MAPK4: variants seen among roughly 807,000 people sequenced by gnomAD.
MAPK4 encodes mitogen-activated protein kinase 4, also known as Erk3-related.
A neutral mutation model predicts 47.7 loss-of-function variants in MAPK4; 22 were observed. The ratio of observed to expected loss-of-function variants is 0.46; its 90% CI spans 0.33 to 0.66. The LOEUF (loss-of-function observed/expected upper bound fraction) is 0.66, where lower values mean the gene tolerates loss of function less well. MAPK4 is among the 30% of genes least tolerant of loss of function. MAPK4 has a pLI of 0.02. For synonymous variants in MAPK4, 390 were observed against 365.7 expected (o/e 1.07, Z -0.76); for missense variants, 736 against 831.7 (o/e 0.88, Z 1.42).
Position 50,642,537 on chromosome 18 carries a change from C to T in MAPK4, c.-870-20552C>T, listed in dbSNP as rs2042949921. Among the ~76,000 whole-genome samples the T allele has an allele frequency of 2.0e-5, 3 of 152,088 alleles. No individual in the cohort carries two copies. In the South Asian group the frequency reaches 6.2e-4, roughly 32 times the overall value. Reference sequence around the variant, plus strand: ...AATTGCCTAAACTCAAGTAATAAGGCCTATGAGGATGCTGTTTTCAGGAGC... The same window carrying T: ...AATTGCCTAAACTCAAGTAATAAGGTCTATGAGGATGCTGTTTTCAGGAGC... On this transcript the variant is annotated intron_variant, in intron 1 of 5. Coordinates refer to ENST00000400384, the MANE Select transcript of MAPK4 (RefSeq NM_002747.4).
At chr18:50,720,466 C>T (rs1191139856) in intron 3 of MAPK4, among the ~76,000 whole-genome samples, 1 of 152,114 alleles carries the variant, frequency 6.6e-6, no homozygotes, top group Non-Finnish European at 1.5e-5. Context: ...TGCTTTCCGC[C>T]CCAGGCCATG....
At chr18:50,676,209 C>G (rs558025937) in intron 2 of MAPK4, among the ~76,000 whole-genome samples, 2 of 152,158 alleles carry the variant, frequency 1.3e-5, no homozygotes, top group African/African-American at 2.4e-5. Flanking sequence ...AATATTGTAA[C>G]CTGATGAGAT....
chr18:50,670,599 A>T (rs1337417667), intron 2 of MAPK4, among the ~76,000 whole-genome samples: 1 of 151,978 alleles, frequency 6.6e-6, no homozygotes, highest in African/African-American at 2.4e-5. Context: ...TCTACTAAAA[A>T]TATAAAAATT....
Position 50,613,062 on chromosome 18 carries a change from T to A in MAPK4, c.-870-50027T>A, listed in dbSNP as rs114089525. On this transcript the variant is annotated intron_variant, in intron 1 of 5. Transcript: ENST00000400384. ...TCCTTACAGGACATTAGAAAACACA[T>A]TGTGGCAAACACATCCTAAGGTGAC... is the stretch of plus-strand genomic sequence containing the variant. Among the ~76,000 whole-genome samples the A allele has an allele frequency of 3.0e-3, 455 of 152,220 alleles. 2 individuals are homozygous for A. Among genetic ancestry groups the A allele is most frequent in the African/African-American group, 0.011 (440 of 41,536 alleles).
In MAPK4 at chr18:50,563,130, A is replaced by C. The variant is rs2042168456; in HGVS notation, c.-871+2887A>C. ...AAAGCCTCTCTGAAATCTTTTCTGT[A>C]AGTAAGCCCGTTATGAAAGATACAT... On this transcript the variant is annotated intron_variant, in intron 1 of 5. Transcript: ENST00000400384. Among the ~76,000 whole-genome samples, 7 of 152,204 alleles carry C rather than the reference A, an allele frequency of 4.6e-5. No individual in the cohort carries two copies. In the South Asian group the frequency reaches 1.2e-3, roughly 27 times the overall value.
intron 1 of MAPK4, among the ~76,000 whole-genome samples, chr18:50,633,453 A>T (rs111412694): frequency 2.6e-5 from 4 of 152,122 alleles, no homozygotes; most frequent in Non-Finnish European, 4.4e-5. Context: ...ATCCCAGTTG[A>T]TGTATAAACA....
intron 1 of MAPK4, among the ~76,000 whole-genome samples, chr18:50,575,817 T>C (rs1381919369): frequency 7.8e-6 from 1 of 127,516 alleles, no homozygotes; most frequent in Non-Finnish European, 1.7e-5. Flanking sequence ...AAAAAAACCA[T>C]TAAAAAGTTT....
At chr18:50,695,550 C>T (rs1028693225) in intron 2 of MAPK4, among the ~76,000 whole-genome samples, 1 of 151,976 alleles carries the variant, frequency 6.6e-6, no homozygotes, top group African/African-American at 2.4e-5. Flanking sequence ...TTGACGTGAG[C>T]CTTGTGGGTT....
chr18:50,709,317 T>C (rs1306010165), intron 2 of MAPK4, among the ~76,000 whole-genome samples: 1 of 152,146 alleles, frequency 6.6e-6, no homozygotes, highest in African/African-American at 2.4e-5. Context: ...CCTTCCTGAG[T>C]CCATTAATCC....
intron 1 of MAPK4, among the ~76,000 whole-genome samples, chr18:50,655,249 T>C (rs1344108604): frequency 1.3e-5 from 2 of 152,160 alleles, no homozygotes; most frequent in African/African-American, 2.4e-5. Context: ...AGGCCCATCA[T>C]GGGCAGCAGA....
chr18:50,725,019 G>C (rs1195763015), intron 4 of MAPK4, among the ~76,000 whole-genome samples: 1 of 152,184 alleles, frequency 6.6e-6, no homozygotes, highest in Non-Finnish European at 1.5e-5. Flanking sequence ...CCCTGCTCAA[G>C]GGAAGGGCCA....
At chr18:50,656,532 T>C (rs1458818818) in intron 1 of MAPK4, among the ~76,000 whole-genome samples, 4 of 152,192 alleles carry the variant, frequency 2.6e-5, no homozygotes, top group Non-Finnish European at 4.4e-5. Flanking sequence ...TGGCATCCCA[T>C]TCTTTTTGCC....
intron 1 of MAPK4, among the ~76,000 whole-genome samples, chr18:50,601,034 G>A (rs1016222748): frequency 4.7e-5 from 7 of 149,790 alleles, no homozygotes; most frequent in African/African-American, 7.4e-5. Flanking sequence ...GAGGTGGGCA[G>A]ATCACTTGAG....
At chr18:50,633,357 G>T (rs1033524863) in intron 1 of MAPK4, among the ~76,000 whole-genome samples, 1 of 152,184 alleles carries the variant, frequency 6.6e-6, no homozygotes, top group Non-Finnish European at 1.5e-5. Flanking sequence ...TCCCACCCTC[G>T]CTGGACCCAG....
At chr18:50,585,442 C>T (rs1465691233) in intron 1 of MAPK4, among the ~76,000 whole-genome samples, 1 of 152,160 alleles carries the variant, frequency 6.6e-6, no homozygotes, top group Non-Finnish European at 1.5e-5. Flanking sequence ...TCTTCCCTGT[C>T]CTCTCTTTTA....
At chr18:50,729,116 T>C in intron 5 of MAPK4, 42 bp from the exon 6 acceptor site, 1 of 1,495,482 alleles carries the variant, frequency 6.7e-7, no homozygotes, top group Non-Finnish European at 9.0e-7. Context: ...GGAAGCTACC[T>C]GGCTTGGGCA....
chr18:50,584,718 A>C (rs1034759552), intron 1 of MAPK4, among the ~76,000 whole-genome samples: 1 of 152,242 alleles, frequency 6.6e-6, no homozygotes, highest in Non-Finnish European at 1.5e-5. Flanking sequence ...AGTTGGAGTC[A>C]TCTATTCCTT....
intron 1 of MAPK4, among the ~76,000 whole-genome samples, chr18:50,598,361 T>C (rs528661033): frequency 6.6e-6 from 1 of 151,856 alleles, no homozygotes; most frequent in East Asian, 1.9e-4. Flanking sequence ...ACTGGTCTTC[T>C]TACCAGTTTA....
intron 5 of MAPK4, 106 bp from the exon 6 acceptor site, chr18:50,729,052 T>A (rs1315248420): frequency 7.3e-6 from 7 of 957,794 alleles, no homozygotes; most frequent in Admixed American, 2.3e-5. Flanking sequence ...GGGATGGGGG[T>A]CGAAGGCAGG....
Sources: gnomAD v4.1 joint callset for allele counts (sites outside exome capture counted in the v4.1 genomes callset) on GRCh38, gnomAD v4.1.1 for gene constraint, MANE v1.5 for transcripts, NCBI Gene and HGNC (gene_info 2026-07-23, HGNC 2026-07-21) for gene names.